The following TMEM175 variants were observed in gnomAD, a reference collection of about 807,000 sequenced individuals.
TMEM175 encodes the protein transmembrane protein 175.
In TMEM175, 36 loss-of-function variants were observed where a neutral mutation model predicts 36.5. The ratio of observed to expected loss-of-function variants is 0.99; its 90% CI spans 0.76 to 1.30. The LOEUF (loss-of-function observed/expected upper bound fraction) is 1.30, where lower values mean the gene tolerates loss of function less well. TMEM175 is among the 50% of genes most tolerant of loss of function. The pLI is 0.00. For synonymous variants in TMEM175, 339 were observed against 313.4 expected (o/e 1.08, Z -0.86); for missense variants, 705 against 692.8 (o/e 1.02, Z -0.20).
rs752406714 is a variant in TMEM175 at position 952,417 on chromosome 4, CTG to C, written c.440_441del (p.Val147AspfsTer104). The part of the protein sequence containing the change: ...PDVPLGIFLF[C>X]VCVIAIGVVQ... ...ATGTGCCTCTGGGCATCTTCTTGTT[CTG>C]TGTGTGTGTGATCGCCATTGGGGTC... On this transcript the variant is annotated frameshift_variant, in exon 7 of 11. Transcript: ENST00000264771. LOFTEE classifies it high-confidence loss of function. The C allele has an allele frequency of 1.0e-5, 16 of 1,598,918 alleles. No individual in the cohort carries two copies. In the East Asian group the frequency reaches 2.0e-4, roughly 20 times the overall value.
chr4:938,319 C>G (rs938680550), intron 1 of TMEM175, among the ~76,000 whole-genome samples: 1 of 152,164 alleles, frequency 6.6e-6, no homozygotes, highest in Non-Finnish European at 1.5e-5. Flanking sequence ...GCCTGGCCAA[C>G]ACGGTGAAAC....
At chr4:952,541 T>G (rs1577434388) in intron 7 of TMEM175, 91 bp downstream of exon 7, 9 of 1,269,420 alleles carry the variant, frequency 7.1e-6, no homozygotes, top group East Asian at 5.2e-5. Flanking sequence ...GTCGTGCAGG[T>G]AGGGGGCCCA....
At chr4:939,955 C>A (rs1727237162) in intron 1 of TMEM175, among the ~76,000 whole-genome samples, 1 of 152,046 alleles carries the variant, frequency 6.6e-6, no homozygotes, top group African/African-American at 2.4e-5. Flanking sequence ...CCCATATGAA[C>A]AATAGGTGAA....
intron 3 of TMEM175, chr4:948,497 C>T: frequency 7.0e-7 from 1 of 1,418,766 alleles, no homozygotes. Flanking sequence ...GAAGTTTCCT[C>T]TGCGGGAGGG....
chr4:936,428 A>C (rs1318234369), intron 1 of TMEM175, among the ~76,000 whole-genome samples: 1 of 152,182 alleles, frequency 6.6e-6, no homozygotes. Context: ...CAATAGAGAA[A>C]ATCAGGGAAA....
intron 1 of TMEM175, among the ~76,000 whole-genome samples, chr4:934,050 C>T: frequency 6.6e-6 from 1 of 152,226 alleles, no homozygotes; most frequent in East Asian, 1.9e-4. Context: ...TCAACAATGC[C>T]ATTATTCGGC....
At chr4:945,497 C>T (rs562152960) in intron 1 of TMEM175, among the ~76,000 whole-genome samples, 2 of 152,182 alleles carry the variant, frequency 1.3e-5, no homozygotes, top group Non-Finnish European at 2.9e-5. Flanking sequence ...GTTTCATTTG[C>T]ACCTCCCCGA....
intron 3 of TMEM175, chr4:948,556 C>CGG (rs1409888624): frequency 1.2e-5 from 16 of 1,337,390 alleles, no homozygotes; most frequent in Non-Finnish European, 1.6e-5. Context: ...TGAGTAAACG[C>CGG]GGCCAGCGCC....
chr4:936,362 A>T (rs916285227), intron 1 of TMEM175, among the ~76,000 whole-genome samples: 5 of 152,110 alleles, frequency 3.3e-5, no homozygotes, highest in African/African-American at 1.2e-4. Context: ...CAAAGTGAAT[A>T]TAAGAAGGCA....
At chr4:952,080 G>C in intron 6 of TMEM175, 1 of 587,276 alleles carries the variant, frequency 1.7e-6, no homozygotes, top group East Asian at 2.8e-5. Flanking sequence ...GTGGCCGCTA[G>C]TCTGAGTGTG....
Position 957,878 on chromosome 4 carries a change from C to G in TMEM175, c.897C>G (p.Leu299=). ...TGAAGGAGAGGTTCAGCGGCAGCCTCGTGGCCGCCCTGAGTGCGACCGGGC... is the reference window on the plus strand; with the variant it reads ...TGAAGGAGAGGTTCAGCGGCAGCCTGGTGGCCGCCCTGAGTGCGACCGGGC... ...KDVKERFSGS[L]VAALSATGPR... Residue 299 remains leucine (L), a synonymous_variant, in exon 11 of 11, where the codon CTC becomes CTG. Coordinates refer to ENST00000264771, the MANE Select transcript of TMEM175 (RefSeq NM_032326.4). 6 of 1,612,624 alleles carry G rather than the reference C, an allele frequency of 3.7e-6. No individual in the cohort carries two copies. The highest frequency in any genetic ancestry group is 5.1e-6 in the Non-Finnish European group (6 of 1,179,886).
Position 947,819 on chromosome 4 carries a change from G to C in TMEM175, c.80G>C (p.Gly27Ala). The change falls in exon 2 of 11, where the codon GGG becomes GCG. Residue 27 changes from glycine (G) to alanine (A), a missense_variant. Coordinates refer to ENST00000264771, the MANE Select transcript of TMEM175 (RefSeq NM_032326.4). ...CCAGGCAGGAGAGACGAGGACGCTG[G>C]GGAGGGGATCCAGTGCTCCCAACGC... ...CPPGRRDEDA[G>A]EGIQCSQRML... The C allele has an allele frequency of 6.2e-7, 1 of 1,613,306 alleles. No individual in the cohort carries two copies.
In TMEM175 at chr4:958,434, C is replaced by A. The variant is rs749433461; in HGVS notation, c.1453C>A (p.Pro485Thr). The change falls in exon 11 of 11, where the codon CCC (proline) becomes ACC (threonine). Residue 485 changes from proline to threonine, a missense_variant. Pro to Thr is a conservative substitution (Grantham distance 38, BLOSUM62 -1). Transcript: ENST00000264771. ...VLRGLARPEHPPPAPTGQDDP... is the reference protein window; with the variant it reads ...VLRGLARPEHTPPAPTGQDDP... ...GCGGGGCCTCGCCCGGCCCGAACAC[C>A]CCCCGCCAGCCCCCACGGGCCAGGA... 9.4e-6 allele frequency: 15 copies of A among 1,589,102 alleles called. No homozygotes were observed. In the East Asian group the frequency reaches 2.9e-4, roughly 31 times the overall value.
At chr4:956,597 C>A in intron 10 of TMEM175, 1 of 630,850 alleles carries the variant, frequency 1.6e-6, no homozygotes, top group South Asian at 1.8e-5. Context: ...CACCCACCAC[C>A]ATGCCCAGCT....
At chr4:939,947 C>G (rs1237902082) in intron 1 of TMEM175, among the ~76,000 whole-genome samples, 1 of 152,090 alleles carries the variant, frequency 6.6e-6, no homozygotes, top group Non-Finnish European at 1.5e-5. Flanking sequence ...GAAAATAGCC[C>G]ATATGAACAA....
At chr4:949,456 G>C (rs1180530600) in intron 3 of TMEM175, among the ~76,000 whole-genome samples, 1 of 152,214 alleles carries the variant, frequency 6.6e-6, no homozygotes, top group Non-Finnish European at 1.5e-5. Context: ...TCCCAGGGAA[G>C]GTGCTAGAAC....
chr4:948,594 G>T (rs763350875), intron 3 of TMEM175: 6 of 1,304,516 alleles, frequency 4.6e-6, no homozygotes, highest in African/African-American at 4.5e-5. Context: ...CTCCCACCCC[G>T]GCTGCTCCTG....
chr4:945,662 G>T (rs1728054368), intron 1 of TMEM175, among the ~76,000 whole-genome samples: 1 of 152,138 alleles, frequency 6.6e-6, no homozygotes, highest in Admixed American at 6.5e-5. Flanking sequence ...TCTTCCTGCG[G>T]ACCCTCTAGC....
At chr4:933,444 C>A (rs547446071) in intron 1 of TMEM175, among the ~76,000 whole-genome samples, 105 of 152,094 alleles carry the variant, frequency 6.9e-4, no homozygotes, top group African/African-American at 2.4e-3. Flanking sequence ...GAGGCGGGCG[C>A]CACTGTACCC....
Sources: gnomAD v4.1 joint callset for allele counts (sites outside exome capture counted in the v4.1 genomes callset) on GRCh38, gnomAD v4.1.1 for gene constraint, MANE v1.5 for transcripts, NCBI Gene and HGNC (gene_info 2026-07-23, HGNC 2026-07-21) for gene names.